Variants in EDEM2 observed in about 807,000 individuals in gnomAD.
EDEM2 encodes the protein ER degradation enhancing alpha-mannosidase like protein 2.
A neutral mutation model predicts 64.8 loss-of-function variants in EDEM2; 39 were observed. The ratio of observed to expected loss-of-function variants is 0.60; its 90% confidence interval spans 0.47 to 0.79. The LOEUF (loss-of-function observed/expected upper bound fraction) is 0.79, where lower values mean the gene tolerates loss of function less well. EDEM2 is among the 30% of genes least tolerant of loss of function. The probability of loss-of-function intolerance (pLI) is 0.00; values close to 1 mark genes in which losing one functional copy is unlikely to be tolerated. For missense variants in EDEM2, 609 were observed against 731.3 expected (o/e 0.83, Z 1.93); for synonymous variants, 296 against 291.5 (o/e 1.02, Z -0.16).
At chr20:35,142,857 C>T (rs559999660) in intron 3 of EDEM2, among the ~76,000 whole-genome samples, 1 of 151,800 alleles carries the variant, frequency 6.6e-6, no homozygotes, top group Non-Finnish European at 1.5e-5. Context: ...ACTCCGCCTC[C>T]TGGGTTCAAG....
chr20:35,133,024 G>A (rs1310975057), intron 6 of EDEM2, among the ~76,000 whole-genome samples: 1 of 152,182 alleles, frequency 6.6e-6, no homozygotes, highest in Non-Finnish European at 1.5e-5. Flanking sequence ...GGGGAAGTGA[G>A]GCAGGGCAAG....
chr20:35,117,404 G>C (rs2085321623), intron 10 of EDEM2, among the ~76,000 whole-genome samples: 1 of 152,080 alleles, frequency 6.6e-6, no homozygotes, highest in South Asian at 2.1e-4. Flanking sequence ...TCCTTGCCCT[G>C]TTTGAGAAAG....
intron 8 of EDEM2, among the ~76,000 whole-genome samples, chr20:35,125,258 T>C (rs902297541): frequency 6.6e-6 from 1 of 151,634 alleles, no homozygotes; most frequent in African/African-American, 2.4e-5. Flanking sequence ...TGCAATGGCA[T>C]GATCATGGCT....
In EDEM2 at chr20:35,126,389, G is replaced by A; in HGVS notation, c.845-14C>T. The A allele has an allele frequency of 6.2e-7, 1 of 1,613,438 alleles. No individual in the cohort carries two copies. The highest frequency in any genetic ancestry group is 8.5e-7 in the Non-Finnish European group (1 of 1,179,812). On this transcript the variant is annotated splice_polypyrimidine_tract_variant and intron_variant, in intron 7 of 10. Transcript: ENST00000374492. ...CTTTGTTATACTCTGCAGTGGGGGA[G>A]ATGGGATAATGGACATATGAGTGAT...
At chr20:35,144,837 C>G (rs1462795252) in intron 3 of EDEM2, 142 bp downstream of exon 3, 3 of 902,396 alleles carry the variant, frequency 3.3e-6, no homozygotes, top group Non-Finnish European at 5.1e-6. Flanking sequence ...TAGGCAACCA[C>G]AGCCGGACGC....
chr20:35,147,109 C>A (rs1364482983), intron 1 of EDEM2, 43 bp downstream of exon 1: 2 of 1,582,862 alleles, frequency 1.3e-6, no homozygotes, highest in Admixed American at 1.7e-5. Flanking sequence ...ACCGGGTTCA[C>A]GCTTCCCATT....
intron 7 of EDEM2, among the ~76,000 whole-genome samples, chr20:35,127,356 G>A (rs1454653370): frequency 1.3e-5 from 2 of 152,178 alleles, no homozygotes; most frequent in Non-Finnish European, 2.9e-5. Flanking sequence ...CATTCGCTAA[G>A]CACCTACTAG....
chr20:35,126,244 T>C lies in EDEM2; in HGVS notation c.969+7A>G, dbSNP rs1569176866. 2 of 1,612,668 alleles carry C rather than the reference T, an allele frequency of 1.2e-6. No homozygotes were observed. The highest frequency in any genetic ancestry group is 1.1e-5 in the South Asian group (1 of 90,912). On this transcript the variant is annotated splice_region_variant and intron_variant, in intron 8 of 10. Transcript: ENST00000374492. ...GAAAGATGATCACATTCTTTGATCA[T>C]TCCTACCTGAAGACCAGGCCAGTAG...
intron 9 of EDEM2, among the ~76,000 whole-genome samples, chr20:35,120,888 C>T (rs1164380783): frequency 6.6e-6 from 1 of 152,180 alleles, no homozygotes; most frequent in Non-Finnish European, 1.5e-5. Flanking sequence ...TGAGCCACCA[C>T]ACCCAGCCCT....
chr20:35,142,867 G>A (rs747670925), intron 3 of EDEM2, among the ~76,000 whole-genome samples: 30 of 150,248 alleles, frequency 2.0e-4, no homozygotes, highest in Non-Finnish European at 3.5e-4. Context: ...CTGGGTTCAA[G>A]CGATTCTCCT....
At chr20:35,135,791 C>T (rs2085568067) in intron 5 of EDEM2, among the ~76,000 whole-genome samples, 2 of 152,112 alleles carry the variant, frequency 1.3e-5, no homozygotes, top group South Asian at 4.1e-4. Context: ...TATAGTATGA[C>T]CCTCGATTTA....
chr20:35,139,651 G>GA (rs924462871), intron 4 of EDEM2, among the ~76,000 whole-genome samples: 343 of 74,954 alleles, frequency 4.6e-3, no homozygotes, highest in Admixed American at 9.0e-3. Context: ...CTCCATCTCA[G>GA]AAAAAAAAAA....
intron 4 of EDEM2, 126 bp from the exon 5 acceptor site, chr20:35,138,131 A>AG: frequency 7.6e-7 from 1 of 1,315,764 alleles, no homozygotes; most frequent in Non-Finnish European, 1.0e-6. Flanking sequence ...GGACCTCCTG[A>AG]AGCTATTTCA....
At chr20:35,125,237 G>C (rs6088725) in intron 8 of EDEM2, among the ~76,000 whole-genome samples, 1 of 147,216 alleles carries the variant, frequency 6.8e-6, no homozygotes, top group Non-Finnish European at 1.5e-5. Flanking sequence ...GTCTCACTCT[G>C]TCACCCAGGC....
At chr20:35,125,471 G>A (rs949968109) in intron 8 of EDEM2, among the ~76,000 whole-genome samples, 4 of 151,822 alleles carry the variant, frequency 2.6e-5, no homozygotes, top group African/African-American at 9.7e-5. Context: ...TGCAAGCTCC[G>A]CCTCCCAGGT....
intron 4 of EDEM2, among the ~76,000 whole-genome samples, chr20:35,140,409 A>T (rs1381037317): frequency 1.3e-5 from 2 of 152,066 alleles, no homozygotes; most frequent in Non-Finnish European, 2.9e-5. Context: ...GTTTAAACCC[A>T]GGAGGTGGAG....
In EDEM2 at chr20:35,116,951, A is replaced by T. The variant is rs956835307; in HGVS notation, c.1237-1018T>A. ...ACTACAGGCACATGCCACCACACCCAGGTAATTTTTTTTGTATTTTTAGTA... is the reference window on the plus strand; with the variant it reads ...ACTACAGGCACATGCCACCACACCCTGGTAATTTTTTTTGTATTTTTAGTA... On this transcript the variant is annotated intron_variant, in intron 10 of 10. Coordinates refer to ENST00000374492, the MANE Select transcript of EDEM2 (RefSeq NM_018217.3). Among the ~76,000 whole-genome samples the T allele has an allele frequency of 1.4e-4, 22 of 151,952 alleles. 1 individual carries two copies. The highest frequency in any genetic ancestry group is 5.1e-4 in the African/African-American group (21 of 41,374).
intron 7 of EDEM2, among the ~76,000 whole-genome samples, chr20:35,127,692 T>C (rs1375367669): frequency 6.6e-6 from 1 of 152,240 alleles, no homozygotes; most frequent in African/African-American, 2.4e-5. Context: ...ATTTGTTGAA[T>C]AAATGAGTAA....
At chr20:35,144,884 A>G in intron 3 of EDEM2, 95 bp downstream of exon 3, 1 of 1,401,380 alleles carries the variant, frequency 7.1e-7, no homozygotes. Flanking sequence ...GGCCTAGGAG[A>G]GGAATTCATT....
Sources: allele counts gnomAD v4.1 joint callset (sites outside exome capture counted in the v4.1 genomes callset), GRCh38; gene constraint gnomAD v4.1.1; transcripts MANE v1.5; gene names NCBI Gene and HGNC (gene_info 2026-07-23, HGNC 2026-07-21).